Variants in PDE4D observed in about 807,000 individuals in gnomAD.
PDE4D encodes 3',5'-cyclic-AMP phosphodiesterase 4D.
Under a neutral mutation model 87.4 loss-of-function variants are expected in PDE4D, and 24 were observed. The observed-to-expected ratio is 0.27, with a 90% CI of 0.20 to 0.39. The LOEUF is 0.39. Among genes scored for constraint, PDE4D ranks in the 10% least tolerant of loss-of-function variants. The pLI is 1.00. For synonymous variants in PDE4D, 384 were observed against 383.2 expected (o/e 1.00, Z -0.02); for missense variants, 714 against 1,041.0 (o/e 0.69, Z 4.32).
chr5:59,567,654 G>C (rs922824100), intron 1 of PDE4D, among the ~76,000 whole-genome samples: 1 of 152,052 alleles, frequency 6.6e-6, no homozygotes, highest in Non-Finnish European at 1.5e-5. Flanking sequence ...TTTTTCTAAG[G>C]GTTTGAGAAA....
chr5:59,915,810 T>A (rs1275536181), intron 3 of PDE4D, among the ~76,000 whole-genome samples: 1 of 152,164 alleles, frequency 6.6e-6, no homozygotes, highest in African/African-American at 2.4e-5. Flanking sequence ...TAGAACACAT[T>A]TCTTTTTGGT....
intron 1 of PDE4D, among the ~76,000 whole-genome samples, chr5:59,291,391 A>T (rs1180069059): frequency 6.6e-6 from 1 of 152,028 alleles, no homozygotes. Context: ...AAACAAACGA[A>T]GGAGATAGAG....
chr5:59,657,344 C>G (rs1744529062), intron 1 of PDE4D, among the ~76,000 whole-genome samples: 1 of 152,116 alleles, frequency 6.6e-6, no homozygotes, highest in South Asian at 2.1e-4. Context: ...TCATACAATT[C>G]CATACAAGGC....
intron 1 of PDE4D, 130 bp downstream of exon 1, chr5:59,893,038 C>G (rs1295106030): frequency 5.4e-6 from 5 of 929,144 alleles, no homozygotes; most frequent in Admixed American, 2.7e-5. Flanking sequence ...TGTTTGTCCT[C>G]CCCCAATTTC....
chr5:59,307,538 A>C (rs1771645168), intron 1 of PDE4D, among the ~76,000 whole-genome samples: 1 of 152,224 alleles, frequency 6.6e-6, no homozygotes, highest in Admixed American at 6.5e-5. Context: ...ACCCCATCAG[A>C]AAGTGGGCGA....
At chr5:59,184,170 C>T (rs1742351222) in intron 4 of PDE4D, among the ~76,000 whole-genome samples, 2 of 152,160 alleles carry the variant, frequency 1.3e-5, no homozygotes, top group African/African-American at 4.8e-5. Flanking sequence ...AGTATTCAGG[C>T]TGAGAGAATA....
intron 3 of PDE4D, among the ~76,000 whole-genome samples, chr5:59,921,743 A>T (rs1441763298): frequency 6.6e-6 from 1 of 152,196 alleles, no homozygotes; most frequent in African/African-American, 2.4e-5. Context: ...TTTGTGGGTA[A>T]CAGGGCAACA....
At chr5:60,217,615 A>G (rs1252495547) in intron 1 of PDE4D, among the ~76,000 whole-genome samples, 1 of 151,990 alleles carries the variant, frequency 6.6e-6, no homozygotes, top group Non-Finnish European at 1.5e-5. Context: ...ATTATTAATA[A>G]AAAACTAGCA....
intron 1 of PDE4D, among the ~76,000 whole-genome samples, chr5:59,824,269 C>T (rs535700842): frequency 1.3e-5 from 2 of 152,194 alleles, no homozygotes; most frequent in Admixed American, 1.3e-4. Flanking sequence ...TATACAAAGT[C>T]CTTGAAATCC....
At chr5:60,458,583 A>G (rs1746671907) in intron 1 of PDE4D, among the ~76,000 whole-genome samples, 1 of 152,106 alleles carries the variant, frequency 6.6e-6, no homozygotes, top group African/African-American at 2.4e-5. Context: ...GGCTTGATAG[A>G]AGAGAATTAA....
intron 2 of PDE4D, among the ~76,000 whole-genome samples, chr5:60,180,134 T>C (rs1458698655): frequency 1.3e-5 from 2 of 152,198 alleles, no homozygotes; most frequent in Admixed American, 6.5e-5. Context: ...TGGAACTTTT[T>C]CCAAGATGAC....
At chr5:58,990,500 C>G (rs1580136656) in intron 9 of PDE4D, among the ~76,000 whole-genome samples, 1 of 152,038 alleles carries the variant, frequency 6.6e-6, no homozygotes, top group African/African-American at 2.4e-5. Flanking sequence ...ATTCTCTATG[C>G]AGTCAGGTTC....
chr5:59,137,675 C>T (rs1192576733), intron 5 of PDE4D, among the ~76,000 whole-genome samples: 2 of 152,088 alleles, frequency 1.3e-5, no homozygotes, highest in East Asian at 3.9e-4. Context: ...TACAGGCGCC[C>T]GCCACCACGC....
chr5:59,083,992 T>A (rs1216880923), intron 5 of PDE4D, among the ~76,000 whole-genome samples: 1 of 151,970 alleles, frequency 6.6e-6, no homozygotes, highest in Non-Finnish European at 1.5e-5. Context: ...TGGGTTTTTT[T>A]GGGGGGGACT....
intron 1 of PDE4D, among the ~76,000 whole-genome samples, chr5:60,441,558 A>C (rs906579313): frequency 6.6e-6 from 1 of 152,216 alleles, no homozygotes; most frequent in South Asian, 2.1e-4. Flanking sequence ...CACCAAAAGC[A>C]ATGGCAACAA....
chr5:59,372,876 C>T (rs1218999560), intron 1 of PDE4D, among the ~76,000 whole-genome samples: 3 of 152,112 alleles, frequency 2.0e-5, no homozygotes, highest in African/African-American at 7.2e-5. Context: ...CATACAAGTC[C>T]CCCAGAGTTA....
chr5:60,418,632 G>A (rs572465462), intron 1 of PDE4D, among the ~76,000 whole-genome samples: 1 of 150,998 alleles, frequency 6.6e-6, no homozygotes, highest in South Asian at 2.1e-4. Context: ...TATATTTATG[G>A]GGTACATGAG....
intron 5 of PDE4D, among the ~76,000 whole-genome samples, chr5:59,151,541 TCAA>T (rs1336019728): frequency 6.6e-6 from 1 of 152,108 alleles, no homozygotes; most frequent in Non-Finnish European, 1.5e-5. Flanking sequence ...TATATGAACA[TCAA>T]CAATAACCTA....
chr5:60,054,729 T>C (rs1158497599), intron 2 of PDE4D, among the ~76,000 whole-genome samples: 1 of 152,042 alleles, frequency 6.6e-6, no homozygotes, highest in Admixed American at 6.6e-5. Flanking sequence ...CAAGAGTTCA[T>C]AAGCCTTTTA....
Sources: allele counts gnomAD v4.1 joint callset (sites outside exome capture counted in the v4.1 genomes callset), GRCh38; gene constraint gnomAD v4.1.1; transcripts MANE v1.5; gene names NCBI Gene and HGNC (gene_info 2026-07-23, HGNC 2026-07-21).